ZNF195: variants seen among roughly 807,000 people sequenced by gnomAD.
The protein encoded by ZNF195 is zinc finger protein 195.
Under a neutral mutation model 19.5 loss-of-function variants are expected in ZNF195, and 11 were observed. The ratio of observed to expected loss-of-function variants is 0.57; its 90% CI spans 0.36 to 0.94. ZNF195 has a LOEUF of 0.94. Ranked by LOEUF, ZNF195 falls within the 40% of genes least tolerant of loss-of-function variation. ZNF195 has a pLI of 0.01. For missense variants in ZNF195, 582 were observed against 709.0 expected (o/e 0.82, Z 2.03); for synonymous variants, 214 against 248.1 (o/e 0.86, Z 1.29).
chr11:3,378,788 T>C (rs571220520), intron 1 of ZNF195, among the ~76,000 whole-genome samples: 93 of 152,352 alleles, frequency 6.1e-4, no homozygotes, highest in African/African-American at 1.9e-3. Context: ...GGATTCTCCC[T>C]TCCTGACTCG....
intron 1 of ZNF195, chr11:3,377,612 GT>G: frequency 8.2e-7 from 1 of 1,215,440 alleles, no homozygotes; most frequent in Non-Finnish European, 1.1e-6. Context: ...GTCCTAAGTG[GT>G]TACCTCTTTA....
At chr11:3,374,951 G>A (rs1849385395) in intron 1 of ZNF195, among the ~76,000 whole-genome samples, 1 of 152,224 alleles carries the variant, frequency 6.6e-6, no homozygotes, top group Non-Finnish European at 1.5e-5. Context: ...AAAATAGAGA[G>A]TCCTTTGATC....
Position 3,360,161 on chromosome 11 carries a change from G to A in ZNF195, c.847C>T (p.Gln283Ter). The change falls in exon 6 of 6, where the codon CAG becomes TAG. Residue 283 changes from glutamine to a stop codon, truncating the protein, a stop_gained. Coordinates refer to ENST00000399602, the MANE Select transcript of ZNF195 (RefSeq NM_001130520.3). LOFTEE classifies it low-confidence loss of function (END_TRUNC). ...TCAGGTTCAGTAAAGTGTGAGCACT[G>A]GATAAAGGTTTTGCCACATTCTCCA... ...KCGECGKTFI[Q>*]CSHFTEPENI... is the part of the protein sequence containing the mutation. 1 of 1,613,810 alleles carries A rather than the reference G, an allele frequency of 6.2e-7. No homozygotes were observed. Among genetic ancestry groups the A allele is most frequent in the Non-Finnish European group, 8.5e-7 (1 of 1,179,870 alleles).
At chr11:3,363,104 G>GT (rs1175197027) in intron 3 of ZNF195, among the ~76,000 whole-genome samples, 2 of 152,170 alleles carry the variant, frequency 1.3e-5, no homozygotes, top group Admixed American at 6.5e-5. Flanking sequence ...ATATATTTAG[G>GT]TATTGAAGTA....
At position 3,360,285 on chromosome 11, in the gene ZNF195, C is replaced by G. The variant is rs1848566774; in HGVS notation, c.723G>C (p.Glu241Asp). 6.2e-7 allele frequency: 1 copy of G among 1,611,350 alleles called. No individual in the cohort carries two copies. Among genetic ancestry groups the G allele is most frequent in the East Asian group, 2.2e-5 (1 of 44,862 alleles). ...LHRRNISNTGEKPFKCQECGK... is the reference protein window; with the variant it reads ...LHRRNISNTGDKPFKCQECGK... ...CACATTCTTGACATTTGAAAGGTTT[C>G]TCTCCAGTATTACTTATATTACGTC... is the stretch of plus-strand genomic sequence containing the variant. Residue 241 changes from glutamate (E) to aspartate (D), a missense_variant, in exon 6 of 6, where the codon GAG becomes GAC. Transcript: ENST00000399602.
In ZNF195 at chr11:3,358,452, A is replaced by G. The variant is rs917348309; in HGVS notation, c.*666T>C. The stretch of plus-strand genomic sequence containing the variant: ...TGTCTTTCACCTTTCACGGACAAGT[A>G]TATCAGTGATGCACACCTAAGAGAA... On this transcript the variant is annotated 3_prime_UTR_variant, in exon 6 of 6. Coordinates refer to ENST00000399602, the MANE Select transcript of ZNF195 (RefSeq NM_001130520.3). 4 of 152,244 alleles carry G rather than the reference A, an allele frequency of 2.6e-5. No homozygotes were observed. The highest frequency in any genetic ancestry group is 5.9e-5 in the Non-Finnish European group (4 of 68,042). 9.4% of individuals were successfully genotyped at this position (152,244 alleles called of 1,614,324 possible).
chr11:3,370,687 G>A (rs566036213), intron 3 of ZNF195, among the ~76,000 whole-genome samples: 93 of 152,360 alleles, frequency 6.1e-4, no homozygotes, highest in African/African-American at 1.9e-3. Flanking sequence ...AAAAGCAGTG[G>A]CGGAGCACGC....
intron 1 of ZNF195, 104 bp from the exon 2 acceptor site, chr11:3,371,807 A>C (rs1200217704): frequency 3.0e-6 from 4 of 1,336,588 alleles, no homozygotes; most frequent in Non-Finnish European, 4.1e-6. Context: ...TTATACAATA[A>C]GGTAATTCTT....
rs1335451720 is a variant in ZNF195, at chr11:3,358,058, CAGG to C, written c.*1057_*1059del. On this transcript the variant is annotated 3_prime_UTR_variant, in exon 6 of 6. Coordinates refer to ENST00000399602, the MANE Select transcript of ZNF195 (RefSeq NM_001130520.3). ...GGGTGCGGGAGCTGAGTTGGGGGTG[CAGG>C]AGAACTGGGTTGGGGTGGGGGAGCT... The C allele has an allele frequency of 6.7e-6, 1 of 150,080 alleles. No homozygotes were observed. The highest frequency in any genetic ancestry group is 6.6e-5 in the Admixed American group (1 of 15,070). The allele number at this position is 150,080 out of a possible 1,614,324, so 9.3% of individuals were successfully genotyped here.
intron 1 of ZNF195, among the ~76,000 whole-genome samples, chr11:3,374,568 G>A (rs1267129272): frequency 6.6e-6 from 1 of 152,226 alleles, no homozygotes; most frequent in Non-Finnish European, 1.5e-5. Flanking sequence ...GGCACGGGGT[G>A]CTCGGATGTA....
rs776753397 is a variant in ZNF195 at position 3,371,716 on chromosome 11, C to G, written c.4-13G>C. 7.6e-6 allele frequency: 12 copies of G among 1,584,660 alleles called. No homozygotes were observed. Among genetic ancestry groups the G allele is most frequent in the Non-Finnish European group, 1.0e-5 (12 of 1,165,328 alleles). On this transcript the variant is annotated splice_polypyrimidine_tract_variant and intron_variant, in intron 1 of 5. Coordinates refer to ENST00000399602, the MANE Select transcript of ZNF195 (RefSeq NM_001130520.3). ...ACGTCAACAGAGTCTGAAGAAGAAACAACAACAATAACAAATACTTGATTC... is the reference window on the plus strand; with the variant it reads ...ACGTCAACAGAGTCTGAAGAAGAAAGAACAACAATAACAAATACTTGATTC...
intron 3 of ZNF195, among the ~76,000 whole-genome samples, chr11:3,364,532 T>C (rs959143348): frequency 2.7e-5 from 4 of 150,730 alleles, no homozygotes; most frequent in African/African-American, 9.7e-5. Flanking sequence ...ATTTGTTACA[T>C]TAACAGCACA....
chr11:3,358,837 C>A lies in ZNF195; in HGVS notation c.*281G>T. ...TGAACTCTAGTGTTTTCTAAGCTAT[C>A]ATTTTTGAACAAATGTTATTCCACA... On this transcript the variant is annotated 3_prime_UTR_variant, in exon 6 of 6. Coordinates refer to ENST00000399602, the MANE Select transcript of ZNF195 (RefSeq NM_001130520.3). 1 of 70,728 alleles carries A rather than the reference C, an allele frequency of 1.4e-5. No individual in the cohort carries two copies. 4.4% of individuals were successfully genotyped at this position (70,728 alleles called of 1,614,324 possible).
At chr11:3,364,554 T>C (rs1589805796) in intron 3 of ZNF195, among the ~76,000 whole-genome samples, 2 of 152,206 alleles carry the variant, frequency 1.3e-5, no homozygotes, top group South Asian at 2.1e-4. Context: ...TGGAGGGTGT[T>C]ACAGTTTTTG....
chr11:3,372,355 ACTC>A (rs1007737474), intron 1 of ZNF195, among the ~76,000 whole-genome samples: 1 of 152,258 alleles, frequency 6.6e-6, no homozygotes. Flanking sequence ...AAAAAAATAA[ACTC>A]CACAATGGAA....
rs1849219328 is a variant in ZNF195, at chr11:3,371,684, T to C, written c.23A>G (p.Asp8Gly). MTLLTFR[D>G]VAIEFSLEEW... ...CTCCAGGGAGAATTCTATGGCCACATCCCTGAACGTCAACAGAGTCTGAAG... is the reference window on the plus strand; with the variant it reads ...CTCCAGGGAGAATTCTATGGCCACACCCCTGAACGTCAACAGAGTCTGAAG... Residue 8 changes from aspartate to glycine, a missense_variant, in exon 2 of 6, where the codon GAT becomes GGT. Asp to Gly is a moderately conservative substitution (Grantham distance 94). This residue lies in a region of ZNF195 where 46 missense variants were observed against 66.5 expected (regional missense o/e 0.69). Transcript: ENST00000399602. 8 of 1,607,436 alleles carry C rather than the reference T, an allele frequency of 5.0e-6. No individual in the cohort carries two copies. The highest frequency in any genetic ancestry group is 3.4e-6 in the Non-Finnish European group (4 of 1,176,692).
At chr11:3,361,100 G>A (rs181691175) in intron 4 of ZNF195, among the ~76,000 whole-genome samples, 22 of 152,302 alleles carry the variant, frequency 1.4e-4, no homozygotes, top group Non-Finnish European at 2.8e-4. Context: ...AGCACCAGGC[G>A]ACAAGTGTAT....
intron 3 of ZNF195, among the ~76,000 whole-genome samples, chr11:3,365,216 ACC>A (rs1848815412): frequency 6.6e-6 from 1 of 152,184 alleles, no homozygotes; most frequent in African/African-American, 2.4e-5. Flanking sequence ...CAACTCTAAG[ACC>A]CCATTTGCAA....
rs543198208 is a variant in ZNF195, at chr11:3,364,659, TA to T, written c.227-2771del. 2.5e-3 allele frequency among the ~76,000 whole-genome samples: 378 copies of T among 152,294 alleles called. 1 individual carries two copies. The highest frequency in any genetic ancestry group is 3.9e-3 in the Non-Finnish European group (265 of 68,030). On this transcript the variant is annotated intron_variant, in intron 3 of 5. Coordinates refer to ENST00000399602, the MANE Select transcript of ZNF195 (RefSeq NM_001130520.3). ...TCAAGGTGATCCAAAAGAAAATACC[TA>T]TACAAGGTCTGCAAAACACAATGAG...
Sources: allele counts gnomAD v4.1 joint callset (sites outside exome capture counted in the v4.1 genomes callset), GRCh38; gene constraint gnomAD v4.1.1; regional missense constraint gnomAD v4.1.1; transcripts MANE v1.5; gene names NCBI Gene and HGNC (gene_info 2026-07-23, HGNC 2026-07-21).